FAAH2: variants seen among roughly 807,000 people sequenced by gnomAD.
FAAH2 encodes the protein fatty-acid amide hydrolase 2.
Under a neutral mutation model 36.9 loss-of-function variants are expected in FAAH2, and 60 were observed. The observed-to-expected ratio is 1.63, with a 90% CI of 1.32 to 2.02. The LOEUF (loss-of-function observed/expected upper bound fraction) is 2.02, where lower values mean the gene tolerates loss of function less well. Among genes scored for constraint, FAAH2 ranks in the 30% most tolerant of loss-of-function variants. The pLI, the probability that FAAH2 is intolerant of heterozygous loss-of-function variation, is 0.00. For synonymous variants in FAAH2, 214 were observed against 143.8 expected (o/e 1.49, Z -3.49); for missense variants, 689 against 397.5 (o/e 1.73, Z -6.23).
intron 4 of FAAH2, among the ~76,000 whole-genome samples, chrX:57,338,803 G>A (rs1373654178): frequency 9.0e-6 from 1 of 111,144 alleles, no homozygotes; most frequent in African/African-American, 3.3e-5. Context: ...TGGATAGGAA[G>A]AATCATTATC....
chrX:57,356,602 G>A (rs763619450), intron 5 of FAAH2, among the ~76,000 whole-genome samples: 1 of 109,582 alleles, frequency 9.1e-6, no homozygotes, highest in Non-Finnish European at 1.9e-5. Context: ...TATAATGTCC[G>A]CTCTTTTATT....
chrX:57,399,839 G>A (rs768727174), intron 7 of FAAH2, among the ~76,000 whole-genome samples: 24 of 111,878 alleles, frequency 2.1e-4, no homozygotes, highest in South Asian at 7.5e-4. Flanking sequence ...TAATTCTAGC[G>A]CCTGAGTGAG....
intron 7 of FAAH2, among the ~76,000 whole-genome samples, chrX:57,382,990 G>A (rs928698724): frequency 9.0e-6 from 1 of 111,100 alleles, no homozygotes; most frequent in Non-Finnish European, 1.9e-5. Flanking sequence ...GATCAAGTGG[G>A]CTTCATCCCT....
rs780626986 is a variant in FAAH2 at position 57,482,976 on chromosome X, C to T, written c.1424-5781C>T. Among the ~76,000 whole-genome samples the T allele has an allele frequency of 9.1e-5, 10 of 109,923 alleles. No individual in the cohort carries two copies. The East Asian group carries it at 2.9e-3, about 31-fold the overall frequency. On this transcript the variant is annotated intron_variant, in intron 10 of 10. Coordinates refer to ENST00000374900, the MANE Select transcript of FAAH2 (RefSeq NM_174912.4). ...TATTATTTACTTTAGATAGTCTGAT[C>T]ACTATATACCTTCATAATGTTTATT...
At chrX:57,148,064 A>G in the FAAH2 span, among the ~76,000 whole-genome samples, 1 of 111,464 alleles carries the variant, frequency 9.0e-6, no homozygotes, top group African/African-American at 3.3e-5. Flanking sequence ...CAAAGATCAG[A>G]TAGTTGTAGA....
chrX:57,161,578 C>G, the FAAH2 span, among the ~76,000 whole-genome samples: 1 of 111,780 alleles, frequency 8.9e-6, no homozygotes, highest in African/African-American at 3.3e-5. Flanking sequence ...GGAGAGCTAG[C>G]TCTTCTTGTT....
At chrX:57,427,706 C>T (rs774883654) in intron 7 of FAAH2, among the ~76,000 whole-genome samples, 6 of 111,641 alleles carry the variant, frequency 5.4e-5, no homozygotes, top group Non-Finnish European at 1.1e-4. Context: ...TTCAGCATAA[C>T]TTTATTATAA....
the FAAH2 span, among the ~76,000 whole-genome samples, chrX:57,250,526 A>G: frequency 9.0e-6 from 1 of 111,426 alleles, no homozygotes; most frequent in East Asian, 2.8e-4. Context: ...ACCAAAAAAA[A>G]TAGTGCGTTT....
chrX:57,187,081 G>GT, the FAAH2 span, among the ~76,000 whole-genome samples: 5 of 111,672 alleles, frequency 4.5e-5, no homozygotes, highest in Admixed American at 1.9e-4. Flanking sequence ...ATGTAAAGTA[G>GT]TTTTTTCTAG....
At chrX:57,386,319 T>C (rs2055022398) in intron 7 of FAAH2, among the ~76,000 whole-genome samples, 1 of 111,182 alleles carries the variant, frequency 9.0e-6, no homozygotes, top group Non-Finnish European at 1.9e-5. Flanking sequence ...AAGTGAACAA[T>C]AAAAACACAA....
At chrX:57,193,531 A>C in the FAAH2 span, among the ~76,000 whole-genome samples, 1 of 111,502 alleles carries the variant, frequency 9.0e-6, no homozygotes, top group Non-Finnish European at 1.9e-5. Context: ...CTCCCCTTTG[A>C]AAATCACTAA....
intron 4 of FAAH2, among the ~76,000 whole-genome samples, chrX:57,338,134 G>A (rs1449284526): frequency 9.0e-6 from 1 of 111,634 alleles, no homozygotes; most frequent in Non-Finnish European, 1.9e-5. Flanking sequence ...AATCACCTGG[G>A]TGCAGGCGGG....
chrX:57,378,823 C>A, intron 6 of FAAH2, 37 bp downstream of exon 6: 2 of 1,168,383 alleles, frequency 1.7e-6, no homozygotes, highest in African/African-American at 1.8e-5. Flanking sequence ...GGACTCTTAT[C>A]CTGACATTCA....
At chrX:57,379,813 A>ATTTTTT (rs34967842) in intron 6 of FAAH2, among the ~76,000 whole-genome samples, 1 of 101,684 alleles carries the variant, frequency 9.8e-6, no homozygotes, top group South Asian at 4.5e-4. Flanking sequence ...AAGTCCCTGA[A>ATTTTTT]TTTTTTTTTT....
At chrX:57,314,228 A>C (rs1005645173) in intron 3 of FAAH2, among the ~76,000 whole-genome samples, 7 of 111,953 alleles carry the variant, frequency 6.3e-5, no homozygotes, top group Non-Finnish European at 9.4e-5. Flanking sequence ...TGGAGCACTC[A>C]GATTCACAGA....
chrX:57,369,636 G>T (rs1200947117), intron 5 of FAAH2, among the ~76,000 whole-genome samples: 2 of 111,512 alleles, frequency 1.8e-5, no homozygotes, highest in Non-Finnish European at 3.8e-5. Flanking sequence ...AAATGAAAGA[G>T]AAATAAAGTC....
chrX:57,162,268 A>T, the FAAH2 span, among the ~76,000 whole-genome samples: 1 of 111,564 alleles, frequency 9.0e-6, no homozygotes, highest in African/African-American at 3.3e-5. Flanking sequence ...GGGTAACCCA[A>T]CCTTTCTCTC....
At chrX:57,455,672 A>C (rs921002701) in intron 10 of FAAH2, among the ~76,000 whole-genome samples, 2 of 112,162 alleles carry the variant, frequency 1.8e-5, no homozygotes, top group Non-Finnish European at 3.8e-5. Context: ...TTAGATTAAC[A>C]AATTTTAAAC....
chrX:57,440,441 G>A lies in FAAH2; in HGVS notation c.1117-6487G>A, dbSNP rs776598672. 3.2e-3 allele frequency among the ~76,000 whole-genome samples: 359 copies of A among 110,978 alleles called. 3 individuals are homozygous for A. The highest frequency in any genetic ancestry group is 0.011 in the African/African-American group (334 of 30,578). On this transcript the variant is annotated intron_variant, in intron 8 of 10. Transcript: ENST00000374900. ...GTATAGGAATGCTTGTGATTTTTGCGCATTGATTTTGTATCCTGAGACTTT... is the reference window on the plus strand; with the variant it reads ...GTATAGGAATGCTTGTGATTTTTGCACATTGATTTTGTATCCTGAGACTTT...
Sources: allele counts gnomAD v4.1 joint callset (sites outside exome capture counted in the v4.1 genomes callset), GRCh38; gene constraint gnomAD v4.1.1; transcripts MANE v1.5; gene names NCBI Gene and HGNC (gene_info 2026-07-23, HGNC 2026-07-21).